The following PCDHGA9 variants were observed in gnomAD, a reference collection of about 807,000 sequenced individuals.
PCDHGA9 encodes protocadherin gamma-A9.
Under a neutral mutation model 62.5 loss-of-function variants are expected in PCDHGA9, and 37 were observed. The observed-to-expected ratio is 0.59, with a 90% CI of 0.46 to 0.78. The LOEUF (loss-of-function observed/expected upper bound fraction) is 0.78, where lower values mean the gene tolerates loss of function less well. PCDHGA9 is among the 30% of genes least tolerant of loss of function. The probability of loss-of-function intolerance (pLI) is 0.00; values close to 1 mark genes in which losing one functional copy is unlikely to be tolerated. For missense variants in PCDHGA9, 1,138 were observed against 1,166.2 expected (o/e 0.98, Z 0.35); for synonymous variants, 459 against 484.6 (o/e 0.95, Z 0.69).
intron 1 of PCDHGA9, among the ~76,000 whole-genome samples, chr5:141,424,888 G>C (rs2096846233): frequency 6.6e-6 from 1 of 152,178 alleles, no homozygotes; most frequent in Non-Finnish European, 1.5e-5. Context: ...GACTTATCTA[G>C]GGTTTTTGAT....
At chr5:141,433,951 A>G (rs2097667078) in intron 1 of PCDHGA9, among the ~76,000 whole-genome samples, 1 of 152,032 alleles carries the variant, frequency 6.6e-6, no homozygotes, top group African/African-American at 2.4e-5. Context: ...TGTTTCTTCT[A>G]CAGTTGTTAA....
At chr5:141,410,161 ACT>A (rs758781174) in intron 1 of PCDHGA9, 27 of 1,613,102 alleles carry the variant, frequency 1.7e-5, no homozygotes, top group South Asian at 1.1e-5. Flanking sequence ...GACAGCCGCC[ACT>A]CTCTGCCACC....
intron 2 of PCDHGA9, among the ~76,000 whole-genome samples, chr5:141,499,256 A>G (rs371266271): frequency 6.6e-6 from 1 of 151,968 alleles, no homozygotes; most frequent in Non-Finnish European, 1.5e-5. Context: ...AAGAGTCTCC[A>G]TTTGGTCCCT....
At chr5:141,410,705 A>G (rs1462423983) in intron 1 of PCDHGA9, 1 of 1,460,780 alleles carries the variant, frequency 6.8e-7, no homozygotes, top group Non-Finnish European at 9.1e-7. Context: ...TTTCATATCT[A>G]GAATCATATG....
intron 1 of PCDHGA9, chr5:141,422,846 A>T: frequency 2.5e-6 from 4 of 1,614,102 alleles, no homozygotes; most frequent in Non-Finnish European, 3.4e-6. Flanking sequence ...GACAGCGGGG[A>T]CCCGCCCCTC....
chr5:141,422,750 T>C (rs778578440), intron 1 of PCDHGA9: 4 of 1,611,900 alleles, frequency 2.5e-6, no homozygotes, highest in Non-Finnish European at 3.4e-6. Flanking sequence ...TATGTCTCTA[T>C]TAACTCCAAC....
chr5:141,481,901 G>A (rs1297925755), intron 1 of PCDHGA9, among the ~76,000 whole-genome samples: 2 of 125,298 alleles, frequency 1.6e-5, no homozygotes, highest in Non-Finnish European at 3.2e-5. Context: ...GTGAAAGAGC[G>A]AAACTCCATC....
rs747671382 is a variant in PCDHGA9 at position 141,444,152 on chromosome 5, A to ATTTTTTTT, written c.2424+38805_2424+38812dup. ...GATATGTGTCACTTGTGTGTACTGG[A>ATTTTTTTT]TTTTTTTTTTTTTTTTTTTTTTTTT... On this transcript the variant is annotated intron_variant, in intron 1 of 3. Transcript: ENST00000573521. Among the ~76,000 whole-genome samples, 8 of 33,898 alleles carry ATTTTTTTT rather than the reference A, an allele frequency of 2.4e-4. 3 individuals are homozygous for ATTTTTTTT. Among genetic ancestry groups the ATTTTTTTT allele is most frequent in the African/African-American group, 5.6e-4 (4 of 7,184 alleles). The allele number at this position is 33,898 out of a possible 152,430, so 22.2% of individuals were successfully genotyped here.
intron 1 of PCDHGA9, among the ~76,000 whole-genome samples, chr5:141,483,124 G>A (rs1468216170): frequency 6.6e-6 from 1 of 152,154 alleles, no homozygotes; most frequent in East Asian, 1.9e-4. Flanking sequence ...GTCTTTGTAG[G>A]AGATGAGGTG....
intron 1 of PCDHGA9, among the ~76,000 whole-genome samples, chr5:141,492,593 A>T (rs907659087): frequency 1.3e-5 from 2 of 152,100 alleles, no homozygotes; most frequent in African/African-American, 4.8e-5. Context: ...GGAGCGCTGG[A>T]GCGACTGCCG....
intron 1 of PCDHGA9, chr5:141,419,396 G>A (rs772000806): frequency 3.7e-6 from 6 of 1,613,600 alleles, no homozygotes; most frequent in Admixed American, 1.7e-5. Flanking sequence ...GCAGAGCGGG[G>A]TGGTGTTCGC....
In PCDHGA9 at chr5:141,404,090, G is replaced by T. The variant is rs1014506897; in HGVS notation, c.1138G>T (p.Gly380Cys). Residue 380 changes from glycine to cysteine, a missense_variant, in exon 1 of 4, where the codon GGT becomes TGT. By Grantham distance (159) the Gly-to-Cys change is radical (BLOSUM62 -3). Transcript: ENST00000573521. ...TCATGACCGAGACTCCGGGAAGAATGGTCAAGTTGTCTGTTCTATCCAGGA... is the reference window on the plus strand; with the variant it reads ...TCATGACCGAGACTCCGGGAAGAATTGTCAAGTTGTCTGTTCTATCCAGGA... The part of the protein sequence containing the change: ...NAHDRDSGKN[G>C]QVVCSIQENL... 4 of 1,613,262 alleles carry T rather than the reference G, an allele frequency of 2.5e-6. No homozygotes were observed. In the Admixed American group the frequency reaches 6.7e-5, roughly 27 times the overall value.
At position 141,486,804 on chromosome 5, in the gene PCDHGA9, C is replaced by G. The variant is rs755001457; in HGVS notation, c.2425-8003C>G. On this transcript the variant is annotated intron_variant, in intron 1 of 3. Transcript: ENST00000573521. This position sits in a 1 kb window ranked among gnomAD's most constrained non-coding sequence, Gnocchi z 5.0. ...CAGGCCCGGGATCGGGGCAACCCAC[C>G]CCTTAGCAGCACTGTAACAGTTCGT... 2 of 1,614,232 alleles carry G rather than the reference C, an allele frequency of 1.2e-6. No homozygotes were observed. The highest frequency in any genetic ancestry group is 3.3e-5 in the Admixed American group (2 of 60,032).
intron 3 of PCDHGA9, among the ~76,000 whole-genome samples, chr5:141,510,553 A>G (rs1471878583): frequency 6.6e-6 from 1 of 152,162 alleles, no homozygotes; most frequent in Non-Finnish European, 1.5e-5. Context: ...TGTTTTGAGC[A>G]CTTACATCTA....
intron 1 of PCDHGA9, among the ~76,000 whole-genome samples, chr5:141,457,155 A>G (rs1403164805): frequency 1.3e-5 from 2 of 152,216 alleles, no homozygotes; most frequent in Admixed American, 6.5e-5. Flanking sequence ...AGAAGGTGCT[A>G]CCATGGATAA....
chr5:141,485,172 CA>C lies in PCDHGA9; in HGVS notation c.2425-9633del. 6.2e-7 allele frequency: 1 copy of C among 1,610,166 alleles called. No individual in the cohort carries two copies. Among genetic ancestry groups the C allele is most frequent in the Non-Finnish European group, 8.5e-7 (1 of 1,176,940 alleles). On this transcript the variant is annotated intron_variant, in intron 1 of 3. Coordinates refer to ENST00000573521, the MANE Select transcript of PCDHGA9 (RefSeq NM_018921.3). The surrounding 1 kb of genome is among the most constrained non-coding windows in gnomAD (Gnocchi z 5.7). ...CAAGTAGAGAATTAGCGGGCGGCAG[CA>C]ATGCTCCGCAAGGTGAGAAGCTGGA...
chr5:141,432,336 G>A lies in PCDHGA9; in HGVS notation c.2424+26960G>A. On this transcript the variant is annotated intron_variant, in intron 1 of 3. Coordinates refer to ENST00000573521, the MANE Select transcript of PCDHGA9 (RefSeq NM_018921.3). The surrounding 1 kb of genome is among the most constrained non-coding windows in gnomAD (Gnocchi z 6.0). ...AGCTCCTTCGACTACGAGCAGTTCC[G>A]AGACTTGCAAGTGAAAGTGATGGCG... 1.2e-6 allele frequency: 2 copies of A among 1,614,250 alleles called. No homozygotes were observed. The highest frequency in any genetic ancestry group is 1.7e-6 in the Non-Finnish European group (2 of 1,180,040).
rs758132181 is a variant in PCDHGA9, at chr5:141,486,827, C to T, written c.2425-7980C>T. On this transcript the variant is annotated intron_variant, in intron 1 of 3. Coordinates refer to ENST00000573521, the MANE Select transcript of PCDHGA9 (RefSeq NM_018921.3). This position sits in a 1 kb window ranked among gnomAD's most constrained non-coding sequence, Gnocchi z 5.0. The stretch of plus-strand genomic sequence containing the variant: ...ACCCCTTAGCAGCACTGTAACAGTT[C>T]GTCTATTTGTGCTGGACCTCAATGA... 10 of 1,614,110 alleles carry T rather than the reference C, an allele frequency of 6.2e-6. No individual in the cohort carries two copies. The African/African-American group carries it at 8.0e-5, about 13-fold the overall frequency.
At chr5:141,433,123 C>A in intron 1 of PCDHGA9, 1 of 1,614,116 alleles carries the variant, frequency 6.2e-7, no homozygotes, top group Non-Finnish European at 8.5e-7. Context: ...TTGAAAAAAG[C>A]GAGCCCCTTT....
Sources: allele counts gnomAD v4.1 joint callset (sites outside exome capture counted in the v4.1 genomes callset), GRCh38; gene constraint gnomAD v4.1.1; non-coding constraint Gnocchi (gnomAD v3.1); transcripts MANE v1.5; gene names NCBI Gene and HGNC (gene_info 2026-07-23, HGNC 2026-07-21).